The following CACNA1E variants were observed in gnomAD, a reference collection of about 807,000 sequenced individuals.
CACNA1E encodes the protein calcium voltage-gated channel subunit alpha1 E.
A neutral mutation model predicts 259.2 loss-of-function variants in CACNA1E; 40 were observed. The observed-to-expected ratio is 0.15, with a 90% CI of 0.12 to 0.20. The LOEUF is 0.20. Among genes scored for constraint, CACNA1E ranks in the 10% least tolerant of loss-of-function variants. CACNA1E has a pLI of 1.00. For synonymous variants in CACNA1E, 1,104 were observed against 1,138.5 expected, an observed-to-expected ratio of 0.97 and a Z score of 0.61; for missense variants, 1,874 against 3,040.1, an observed-to-expected ratio of 0.62 and a Z score of 9.02.
chr1:181,703,278 A>G (rs1410546650), intron 7 of CACNA1E, among the ~76,000 whole-genome samples: 6 of 152,196 alleles, frequency 3.9e-5, no homozygotes, highest in Non-Finnish European at 5.9e-5. Context: ...CACCTACTAT[A>G]CCTTGCACAT....
At chr1:181,474,030 C>T (rs1414323723) in intron 2 of CACNA1E, among the ~76,000 whole-genome samples, 1 of 152,202 alleles carries the variant, frequency 6.6e-6, no homozygotes, top group Non-Finnish European at 1.5e-5. Context: ...ATATTATAAA[C>T]AGCATCACCT....
At chr1:181,534,610 T>G (rs1668031603) in intron 3 of CACNA1E, among the ~76,000 whole-genome samples, 1 of 151,722 alleles carries the variant, frequency 6.6e-6, no homozygotes. Context: ...ACTAAAGAAT[T>G]TATCCATGTA....
intron 1 of CACNA1E, among the ~76,000 whole-genome samples, chr1:181,508,529 A>G (rs1057012721): frequency 2.0e-5 from 3 of 152,190 alleles, no homozygotes; most frequent in Non-Finnish European, 4.4e-5. Flanking sequence ...GGCCCAGGGC[A>G]ACCTAGGCTG....
At chr1:181,627,578 A>G (rs1248145460) in intron 6 of CACNA1E, among the ~76,000 whole-genome samples, 1 of 152,200 alleles carries the variant, frequency 6.6e-6, no homozygotes, top group African/African-American at 2.4e-5. Flanking sequence ...CCATGAGAAC[A>G]GTGTGTTGGG....
chr1:181,609,769 G>T (rs1460174583), intron 6 of CACNA1E, among the ~76,000 whole-genome samples: 3 of 152,070 alleles, frequency 2.0e-5, no homozygotes, highest in African/African-American at 4.8e-5. Flanking sequence ...TCTATGATTT[G>T]CCTAGATTTG....
chr1:181,359,341 C>T (rs527943875), intron 1 of CACNA1E, among the ~76,000 whole-genome samples: 18 of 152,226 alleles, frequency 1.2e-4, no homozygotes, highest in African/African-American at 4.1e-4. Context: ...TCGGAAATGA[C>T]ACACTGAAGA....
chr1:181,700,828 C>T (rs996733973), intron 7 of CACNA1E, among the ~76,000 whole-genome samples: 5 of 152,328 alleles, frequency 3.3e-5, no homozygotes, highest in East Asian at 1.9e-4. Flanking sequence ...TATTGAGTCA[C>T]GTTTGGTGCG....
At chr1:181,489,480 T>C (rs1184195177) in intron 1 of CACNA1E, among the ~76,000 whole-genome samples, 4 of 152,226 alleles carry the variant, frequency 2.6e-5, no homozygotes, top group Non-Finnish European at 4.4e-5. Flanking sequence ...TTTTCTGCAG[T>C]GGGACTGTCA....
In CACNA1E at chr1:181,483,971, A is replaced by C. The variant is rs1422605876; in HGVS notation, c.227A>C (p.Asn76Thr). ...TCCCTGTTCATCTTCGGAGAAGATA[A>C]CATTGTCAGGAAATATGCCAAGAAG... is the stretch of plus-strand genomic sequence containing the variant. ...NRSLFIFGED[N>T]IVRKYAKKLI... The change falls in exon 1 of 48, where the codon AAC becomes ACC. Residue 76 changes from asparagine to threonine, a missense_variant. Around this residue, in one of 14 missense-constraint regions of CACNA1E, gnomAD observed 110 missense variants for 122.8 expected, o/e 0.90. Coordinates refer to ENST00000367573, the MANE Select transcript of CACNA1E (RefSeq NM_001205293.3). 1.2e-6 allele frequency: 2 copies of C among 1,613,714 alleles called. No individual in the cohort carries two copies. Among genetic ancestry groups the C allele is most frequent in the Non-Finnish European group, 1.7e-6 (2 of 1,179,802 alleles).
At chr1:181,742,337 A>G (rs1434311698) in intron 25 of CACNA1E, among the ~76,000 whole-genome samples, 1 of 152,232 alleles carries the variant, frequency 6.6e-6, no homozygotes, top group African/African-American at 2.4e-5. Context: ...TCAGGCCAGC[A>G]GAAAGCCAAA....
intron 1 of CACNA1E, among the ~76,000 whole-genome samples, chr1:181,498,738 G>T (rs913320979): frequency 2.6e-5 from 4 of 152,310 alleles, no homozygotes; most frequent in Non-Finnish European, 5.9e-5. Flanking sequence ...TGGCAGAGCA[G>T]AGCCTAGAAC....
At chr1:181,387,299 G>A (rs149810074) in intron 1 of CACNA1E, among the ~76,000 whole-genome samples, 1,764 of 152,274 alleles carry the variant, frequency 0.012, 14 homozygotes, top group Non-Finnish European at 0.018. Context: ...CAGTGACAGC[G>A]AGCTTGCTTT....
intron 6 of CACNA1E, among the ~76,000 whole-genome samples, chr1:181,591,102 A>C (rs1652601088): frequency 6.6e-6 from 1 of 152,270 alleles, no homozygotes; most frequent in African/African-American, 2.4e-5. Context: ...TTGAGGAAAT[A>C]GAAAATGAAG....
upstream of CACNA1E, among the ~76,000 whole-genome samples, chr1:181,481,974 G>A (rs1284539612): frequency 6.6e-6 from 1 of 152,130 alleles, no homozygotes; most frequent in African/African-American, 2.4e-5. Context: ...CACCATGGAG[G>A]GCCCTTCCAG....
intron 6 of CACNA1E, among the ~76,000 whole-genome samples, chr1:181,633,407 G>C (rs911110786): frequency 6.6e-6 from 1 of 152,142 alleles, no homozygotes; most frequent in Admixed American, 6.5e-5. Context: ...AGATGAGGCA[G>C]TTAAGGGGCA....
chr1:181,500,289 C>T (rs1002754365), intron 1 of CACNA1E, among the ~76,000 whole-genome samples: 2 of 152,194 alleles, frequency 1.3e-5, no homozygotes, highest in Admixed American at 1.3e-4. Flanking sequence ...CTTGACACTC[C>T]CCTGGGGATG....
intron 7 of CACNA1E, among the ~76,000 whole-genome samples, chr1:181,706,136 A>G (rs1652774962): frequency 6.6e-6 from 1 of 152,154 alleles, no homozygotes; most frequent in Non-Finnish European, 1.5e-5. Flanking sequence ...CTCTTCTTCT[A>G]TAGGCCAGAT....
intron 1 of CACNA1E, among the ~76,000 whole-genome samples, chr1:181,391,925 G>C (rs3051766): frequency 3.4e-5 from 5 of 147,724 alleles, no homozygotes; most frequent in Non-Finnish European, 1.5e-5. Flanking sequence ...CTCTCTCTCT[G>C]TCTCTCTCTC....
intron 2 of CACNA1E, among the ~76,000 whole-genome samples, chr1:181,439,162 T>C (rs1571876468): frequency 1.3e-5 from 2 of 152,188 alleles, no homozygotes; most frequent in African/African-American, 4.8e-5. Flanking sequence ...GTTAAATATG[T>C]CAGAGATGGT....
Sources: gnomAD v4.1 joint callset for allele counts (sites outside exome capture counted in the v4.1 genomes callset) on GRCh38, gnomAD v4.1.1 for gene constraint, gnomAD v4.1.1 regional missense constraint, MANE v1.5 for transcripts, NCBI Gene and HGNC (gene_info 2026-07-23, HGNC 2026-07-21) for gene names.